The following ZFHX3 variants were observed in gnomAD, a reference collection of about 807,000 sequenced individuals.
ZFHX3 encodes the protein zinc finger homeobox 3.
ZFHX3 carries 42 observed loss-of-function variants against 279.1 expected under a neutral mutation model. That is an observed-to-expected ratio of 0.15 (90% confidence interval 0.12 to 0.19). The LOEUF is 0.19. Ranked by LOEUF, ZFHX3 falls within the 10% of genes least tolerant of loss-of-function variation. The pLI is 1.00. For synonymous variants in ZFHX3, 2,293 were observed against 1,957.8 expected, an observed-to-expected ratio of 1.17 and a Z score of -4.52; for missense variants, 4,981 against 4,754.0, an observed-to-expected ratio of 1.05 and a Z score of -1.40.
At chr16:73,520,292 C>T (rs1348506826) in intron 2 of ZFHX3, among the ~76,000 whole-genome samples, 2 of 152,162 alleles carry the variant, frequency 1.3e-5, no homozygotes, top group South Asian at 2.1e-4. Flanking sequence ...CCATAAATTG[C>T]ACCAAATTCT....
At chr16:73,463,573 A>C (rs2018509260) in intron 2 of ZFHX3, among the ~76,000 whole-genome samples, 1 of 151,788 alleles carries the variant, frequency 6.6e-6, no homozygotes. Context: ...TCTTTTCGTT[A>C]TCTCTTCTTT....
chr16:73,155,434 T>A (rs1199412518), intron 5 of ZFHX3, among the ~76,000 whole-genome samples: 1 of 152,092 alleles, frequency 6.6e-6, no homozygotes, highest in African/African-American at 2.4e-5. Context: ...CTTGCCCCAA[T>A]CCCTCAGCTT....
At chr16:73,417,608 G>T (rs1196779341) in intron 3 of ZFHX3, among the ~76,000 whole-genome samples, 1 of 151,318 alleles carries the variant, frequency 6.6e-6, no homozygotes, top group Non-Finnish European at 1.5e-5. Context: ...GGAATACACA[G>T]AAACTCTCTG....
intron 7 of ZFHX3, among the ~76,000 whole-genome samples, chr16:73,111,719 A>G (rs1966376886): frequency 6.6e-6 from 1 of 151,746 alleles, no homozygotes; most frequent in South Asian, 2.1e-4. Flanking sequence ...AAAGAAAGGA[A>G]AGAAAAGAAA....
intron 3 of ZFHX3, among the ~76,000 whole-genome samples, chr16:72,906,803 C>T (rs962521620): frequency 6.6e-6 from 1 of 152,058 alleles, no homozygotes; most frequent in Admixed American, 6.5e-5. Flanking sequence ...GTCCACCCCC[C>T]TTCCCCCCCT....
chr16:73,093,970 C>A (rs1966124880), intron 7 of ZFHX3, among the ~76,000 whole-genome samples: 2 of 152,156 alleles, frequency 1.3e-5, no homozygotes, highest in Non-Finnish European at 2.9e-5. Flanking sequence ...CCTGGCCCTG[C>A]TCCTGGCTGA....
At chr16:73,556,393 T>C (rs1039395578) in intron 2 of ZFHX3, among the ~76,000 whole-genome samples, 5 of 152,150 alleles carry the variant, frequency 3.3e-5, no homozygotes, top group African/African-American at 1.2e-4. Context: ...CTGACAATGG[T>C]CAAGTTCTGA....
chr16:73,801,526 C>T (rs1223978453), intron 1 of ZFHX3, among the ~76,000 whole-genome samples: 2 of 152,204 alleles, frequency 1.3e-5, no homozygotes, highest in Non-Finnish European at 2.9e-5. Flanking sequence ...ATCAAAAAAT[C>T]AGGGCATGTG....
At chr16:73,600,761 C>T (rs1360470723) in intron 2 of ZFHX3, among the ~76,000 whole-genome samples, 3 of 152,114 alleles carry the variant, frequency 2.0e-5, no homozygotes, top group Non-Finnish European at 4.4e-5. Flanking sequence ...GAAATCTGCA[C>T]CATTAGGCTT....
chr16:73,576,697 A>AAAAAAC (rs140278064), intron 2 of ZFHX3, among the ~76,000 whole-genome samples: 18 of 150,336 alleles, frequency 1.2e-4, no homozygotes, highest in Admixed American at 9.3e-4. Flanking sequence ...AAGAACATTA[A>AAAAAAC]AAAAACAAAA....
chr16:73,009,062 C>A (rs376296018), intron 1 of ZFHX3, among the ~76,000 whole-genome samples: 8 of 152,174 alleles, frequency 5.3e-5, no homozygotes, highest in African/African-American at 1.9e-4. Context: ...CCTTACGCAG[C>A]CTTTCCCATT....
chr16:73,586,853 A>G (rs1238243703), intron 2 of ZFHX3, among the ~76,000 whole-genome samples: 1 of 152,218 alleles, frequency 6.6e-6, no homozygotes, highest in African/African-American at 2.4e-5. Context: ...AGTGAAATTC[A>G]TATCTAATAT....
intron 7 of ZFHX3, among the ~76,000 whole-genome samples, chr16:73,098,098 C>T (rs929779035): frequency 3.0e-4 from 43 of 144,312 alleles, no homozygotes; most frequent in East Asian, 2.1e-4. Flanking sequence ...GATGGAGTCT[C>T]GCTTTGTCAC....
chr16:73,328,762 C>T (rs903424914), intron 3 of ZFHX3, among the ~76,000 whole-genome samples: 1 of 152,208 alleles, frequency 6.6e-6, no homozygotes, highest in African/African-American at 2.4e-5. Flanking sequence ...AGGGTGATTG[C>T]TGCAATATCT....
At chr16:73,398,877 T>C (rs935277078) in intron 3 of ZFHX3, among the ~76,000 whole-genome samples, 5 of 152,000 alleles carry the variant, frequency 3.3e-5, no homozygotes, top group Admixed American at 6.6e-5. Flanking sequence ...TTTGTTTTGT[T>C]TTTTTGAGAT....
intron 3 of ZFHX3, among the ~76,000 whole-genome samples, chr16:73,362,496 G>A (rs915830321): frequency 9.9e-5 from 15 of 152,210 alleles, no homozygotes; most frequent in Admixed American, 8.5e-4. Context: ...TCTAATGGGT[G>A]TTAGGCCTCA....
chr16:72,823,773 C>T (rs182191461), intron 5 of ZFHX3, among the ~76,000 whole-genome samples: 3 of 152,248 alleles, frequency 2.0e-5, no homozygotes, highest in African/African-American at 4.8e-5. Context: ...TTGGTCCAAC[C>T]TGCCACTTTA....
chr16:73,573,167 T>C (rs2051759525), intron 2 of ZFHX3, among the ~76,000 whole-genome samples: 1 of 152,220 alleles, frequency 6.6e-6, no homozygotes, highest in South Asian at 2.1e-4. Context: ...ACTGCTATTC[T>C]GCAATGATAT....
chr16:73,585,264 A>G lies in ZFHX3; in HGVS notation c.-1547+94916T>C, dbSNP rs531781493. On this transcript the variant is annotated intron_variant, in intron 2 of 17. Transcript: ENST00000641206. The stretch of plus-strand genomic sequence containing the variant: ...AACCCCATCTCAACTAAAAATACAA[A>G]AATTATCTGGGTGTGGTGGCGGGTG... Among the ~76,000 whole-genome samples the G allele has an allele frequency of 2.0e-5, 3 of 152,266 alleles. No individual in the cohort carries two copies. The South Asian group carries it at 6.2e-4, about 32-fold the overall frequency.
Sources: allele counts gnomAD v4.1 joint callset (sites outside exome capture counted in the v4.1 genomes callset), GRCh38; gene constraint gnomAD v4.1.1; transcripts MANE v1.5; gene names NCBI Gene and HGNC (gene_info 2026-07-23, HGNC 2026-07-21).